The following ZNF737 variants were observed in gnomAD, a reference collection of about 807,000 sequenced individuals.
The protein encoded by ZNF737 is zinc finger protein 737.
A neutral mutation model predicts 11.7 loss-of-function variants in ZNF737; 13 were observed. That is an observed-to-expected ratio of 1.11 (90% CI 0.73 to 1.77). The LOEUF (loss-of-function observed/expected upper bound fraction) is 1.77, where lower values mean the gene tolerates loss of function less well. Ranked by LOEUF, ZNF737 falls within the 40% of genes most tolerant of loss-of-function variation. The pLI, the probability that ZNF737 is intolerant of heterozygous loss-of-function variation, is 0.00. For synonymous variants in ZNF737, 217 were observed against 216.2 expected (o/e 1.00, Z -0.03); for missense variants, 636 against 638.0 (o/e 1.00, Z 0.03).
chr19:20,554,199 A>G (rs1228503726), intron 1 of ZNF737, among the ~76,000 whole-genome samples: 5 of 152,210 alleles, frequency 3.3e-5, no homozygotes, highest in African/African-American at 1.2e-4. Flanking sequence ...AAATTTAAAT[A>G]TATACAATAA....
intron 1 of ZNF737, chr19:20,564,245 A>T (rs1377048650): frequency 2.0e-5 from 3 of 152,190 alleles, no homozygotes; most frequent in Non-Finnish European, 4.4e-5. Flanking sequence ...ATGTTTCATC[A>T]CATATAATTT....
Position 20,554,140 on chromosome 19 carries a change from G to T in ZNF737, c.4-305C>A, listed in dbSNP as rs1164935892. On this transcript the variant is annotated intron_variant, in intron 1 of 3. Transcript: ENST00000427401. ...GTTTACATCATATGGAATGAGCTGT[G>T]AATATTTTTCAGATGACAAAGACAT... Among the ~76,000 whole-genome samples, 6 of 152,302 alleles carry T rather than the reference G, an allele frequency of 3.9e-5. No homozygotes were observed. In the East Asian group the frequency reaches 1.2e-3, roughly 29 times the overall value.
intron 1 of ZNF737, chr19:20,563,926 A>T (rs1352595076): frequency 6.6e-6 from 1 of 152,134 alleles, no homozygotes; most frequent in Non-Finnish European, 1.5e-5. Context: ...AGCACTTTGG[A>T]GGGCCGAGGC....
At chr19:20,534,463 ATC>A (rs1345930936), downstream of ZNF737, among the ~76,000 whole-genome samples, 2 of 148,346 alleles carry the variant, frequency 1.3e-5, no homozygotes, top group African/African-American at 5.0e-5. Context: ...ATATCTATCT[ATC>A]TATCTATCTA....
chr19:20,540,169 C>T lies in ZNF737; in HGVS notation c.*4423G>A. The T allele has an allele frequency of 4.1e-6, 4 of 985,330 alleles. No individual in the cohort carries two copies. Among genetic ancestry groups the T allele is most frequent in the Non-Finnish European group, 4.8e-6 (4 of 829,880 alleles). 61.0% of individuals were successfully genotyped at this position (985,330 alleles called of 1,614,324 possible). A position where few individuals can be genotyped will look rare whatever the true frequency, so the allele number is the denominator to read the frequency against. The stretch of plus-strand genomic sequence containing the variant: ...TTTCCCGCCATGTGGCCACCATAAG[C>T]AGCTTACAACATGTTCTACCTAGAA... On this transcript the variant is annotated 3_prime_UTR_variant, in exon 4 of 4. Coordinates refer to ENST00000427401, the MANE Select transcript of ZNF737 (RefSeq NM_001159293.2).
downstream of ZNF737, among the ~76,000 whole-genome samples, chr19:20,537,511 ATT>A (rs1163609628): frequency 0.05 from 3,828 of 76,696 alleles, 36 homozygotes; most frequent in East Asian, 0.18. Context: ...CTGGTTTTCT[ATT>A]TTTTTTTTTT....
At chr19:20,533,217 C>G (rs1555753199), downstream of ZNF737, among the ~76,000 whole-genome samples, 2 of 149,932 alleles carry the variant, frequency 1.3e-5, 1 homozygote, top group Non-Finnish European at 3.0e-5. Flanking sequence ...ATATTAAGTG[C>G]AGCAGGATGT....
chr19:20,544,441 C>A lies in ZNF737; in HGVS notation c.*151G>T. ...TTTCTTATTTGTTGGGTTTCTTTCCCGCATGAATTATCTAATGTCTACTAA... is the reference window on the plus strand; with the variant it reads ...TTTCTTATTTGTTGGGTTTCTTTCCAGCATGAATTATCTAATGTCTACTAA... On this transcript the variant is annotated 3_prime_UTR_variant, in exon 4 of 4. Coordinates refer to ENST00000427401, the MANE Select transcript of ZNF737 (RefSeq NM_001159293.2). 1 of 1,468,814 alleles carries A rather than the reference C, an allele frequency of 6.8e-7. No individual in the cohort carries two copies. Among genetic ancestry groups the A allele is most frequent in the Non-Finnish European group, 8.9e-7 (1 of 1,117,578 alleles). 91.0% of individuals were successfully genotyped at this position (1,468,814 alleles called of 1,614,324 possible).
chr19:20,551,916 A>G (rs1424322578), intron 3 of ZNF737, among the ~76,000 whole-genome samples: 1 of 151,674 alleles, frequency 6.6e-6, no homozygotes, highest in East Asian at 1.9e-4. Flanking sequence ...GGAAAATACA[A>G]TTCTAAAATT....
intron 1 of ZNF737, among the ~76,000 whole-genome samples, chr19:20,557,392 C>T (rs1968926664): frequency 6.7e-6 from 1 of 150,170 alleles, no homozygotes; most frequent in Admixed American, 6.7e-5. Context: ...TGAATCTGAA[C>T]AGGTCTGGGT....
downstream of ZNF737, among the ~76,000 whole-genome samples, chr19:20,533,103 A>G (rs1204743332): frequency 8.1e-4 from 122 of 150,230 alleles, 3 homozygotes; most frequent in Middle Eastern, 3.6e-3. Flanking sequence ...ACATACAACA[A>G]TAAAAGAAAA....
rs60239274 is a variant in ZNF737, at chr19:20,540,470, A to G, written c.*4122T>C. ...CTACCCACCTAAATAAATGTTTAAA[A>G]TCATCTTTTGCTGGGCACGGTGGCT... On this transcript the variant is annotated 3_prime_UTR_variant, in exon 4 of 4. Transcript: ENST00000427401. 0.023 allele frequency among the ~76,000 whole-genome samples: 3,461 copies of G among 152,220 alleles called. 139 individuals are homozygous for G. Among genetic ancestry groups the G allele is most frequent in the African/African-American group, 0.079 (3,289 of 41,532 alleles).
At chr19:20,535,572 C>G (rs1468429366), downstream of ZNF737, among the ~76,000 whole-genome samples, 6 of 149,670 alleles carry the variant, frequency 4.0e-5, no homozygotes, top group Middle Eastern at 3.6e-3. Context: ...GTCACCCAAG[C>G]TGGAGTGCAG....
intron 3 of ZNF737, among the ~76,000 whole-genome samples, chr19:20,549,954 G>A (rs1968607060): frequency 6.7e-6 from 1 of 149,744 alleles, no homozygotes. Flanking sequence ...AAAAATTCTA[G>A]ATAACTGCAA....
chr19:20,532,375 GTTTTT>G (rs1313938291), downstream of ZNF737, among the ~76,000 whole-genome samples: 1 of 149,250 alleles, frequency 6.7e-6, no homozygotes, highest in African/African-American at 2.5e-5. Context: ...TATTTCTGAG[GTTTTT>G]TTTAAGGGTC....
In ZNF737 at chr19:20,545,518, AC is replaced by A. The variant is rs1968417425; in HGVS notation, c.684del (p.Tyr229ThrfsTer21). On this transcript the variant is annotated frameshift_variant, in exon 4 of 4. Coordinates refer to ENST00000427401, the MANE Select transcript of ZNF737 (RefSeq NM_001159293.2). LOFTEE classifies it low-confidence loss of function (END_TRUNC). Reference sequence around the variant, plus strand: ...GCTTTGCCACAGTCTTCACATTTGTACCGTTTCTCTCCAGTATGAATTCTCT... The same window carrying A: ...GCTTTGCCACAGTCTTCACATTTGTACGTTTCTCTCCAGTATGAATTCTCT... Reference protein sequence around the residue: ...THKRIHTGEKRYKCEDCGKAF... With the variant: ...THKRIHTGEKXYKCEDCGKAF... 10 of 1,613,520 alleles carry A rather than the reference AC, an allele frequency of 6.2e-6. No homozygotes were observed. The East Asian group carries it at 2.2e-4, about 36-fold the overall frequency.
In ZNF737 at chr19:20,552,517, G is replaced by GT; in HGVS notation, c.183dup (p.Pro62ThrfsTer8). 3.1e-6 allele frequency: 5 copies of GT among 1,594,572 alleles called. No individual in the cohort carries two copies. Among genetic ancestry groups the GT allele is most frequent in the South Asian group, 1.1e-5 (1 of 87,294 alleles). On this transcript the variant is annotated frameshift_variant, in exon 3 of 4. Coordinates refer to ENST00000427401, the MANE Select transcript of ZNF737 (RefSeq NM_001159293.2). LOFTEE classifies it low-confidence loss of function (END_TRUNC). Reference sequence around the variant, plus strand: ...ATCTCATGTTTCTTCATGGTCAAAGGTTTTTTTCCTTGCTCCAGACAGGTG... The same window carrying GT: ...ATCTCATGTTTCTTCATGGTCAAAGGTTTTTTTTCCTTGCTCCAGACAGGTG...
chr19:20,545,070 A>C lies in ZNF737; in HGVS notation c.1133T>G (p.Phe378Cys). 6.2e-7 allele frequency: 1 copy of C among 1,612,804 alleles called. No individual in the cohort carries two copies. Among genetic ancestry groups the C allele is most frequent in the Non-Finnish European group, 8.5e-7 (1 of 1,179,238 alleles). Reference sequence around the variant, plus strand: ...TGTAGTAAGGTGTGAGGACCAGTTGAAGGCTTTGCCACATTCTTCACATTT... The same window carrying C: ...TGTAGTAAGGTGTGAGGACCAGTTGCAGGCTTTGCCACATTCTTCACATTT... ...PYKCEECGKAFNWSSHLTTHK... is the reference protein window; with the variant it reads ...PYKCEECGKACNWSSHLTTHK... Residue 378 changes from phenylalanine to cysteine, a missense_variant, in exon 4 of 4, where the codon TTC (phenylalanine) becomes TGC (cysteine). Phe to Cys is a radical substitution (Grantham distance 205). Coordinates refer to ENST00000427401, the MANE Select transcript of ZNF737 (RefSeq NM_001159293.2).
chr19:20,531,957 A>G (rs141250343), downstream of ZNF737, among the ~76,000 whole-genome samples: 2,636 of 150,408 alleles, frequency 0.018, 234 homozygotes, highest in African/African-American at 0.061. Context: ...ATGCTGATGT[A>G]GAATTACTTC....
Sources: gnomAD v4.1 joint callset for allele counts (sites outside exome capture counted in the v4.1 genomes callset) on GRCh38, gnomAD v4.1.1 for gene constraint, MANE v1.5 for transcripts, NCBI Gene and HGNC (gene_info 2026-07-23, HGNC 2026-07-21) for gene names.